The following SLC26A5 variants were observed in gnomAD, a reference collection of about 807,000 sequenced individuals.
SLC26A5 encodes solute carrier family 26 member 5.
SLC26A5 carries 51 observed loss-of-function variants against 81.0 expected under a neutral mutation model. The observed-to-expected ratio is 0.63, with a 90% confidence interval of 0.50 to 0.80. The LOEUF (loss-of-function observed/expected upper bound fraction) is 0.80. SLC26A5 is among the 30% of genes least tolerant of loss of function. SLC26A5 has a pLI of 0.00. For synonymous variants in SLC26A5, 325 were observed against 332.8 expected (o/e 0.98, Z 0.25); for missense variants, 771 against 905.8 (o/e 0.85, Z 1.91).
At position 103,380,239 on chromosome 7, in the gene SLC26A5, AATT is replaced by A. The variant is rs142092544; in HGVS notation, c.1584+238_1584+240del. On this transcript the variant is annotated intron_variant, in intron 15 of 19. Transcript: ENST00000306312. ...TCAATACTGTATAAATGTATACTTT[AATT>A]TCAACAATATATATTTATCCCCATT... Among the ~76,000 whole-genome samples the A allele has an allele frequency of 5.3e-3, 808 of 152,316 alleles. 47 individuals carry two copies. The East Asian group carries it at 0.13, about 25-fold the overall frequency.
intron 4 of SLC26A5, among the ~76,000 whole-genome samples, chr7:103,413,647 A>C (rs1317243515): frequency 6.6e-6 from 1 of 152,080 alleles, no homozygotes; most frequent in African/African-American, 2.4e-5. Context: ...TACCTATCAA[A>C]TGGGCCAAGT....
At chr7:103,388,462 A>C (rs1319611666) in intron 14 of SLC26A5, 2 of 178,024 alleles carry the variant, frequency 1.1e-5, no homozygotes, top group African/African-American at 4.8e-5. Context: ...TGGCCTCTGA[A>C]AGTGCTGGGA....
chr7:103,434,288 C>T (rs552714700), intron 2 of SLC26A5, among the ~76,000 whole-genome samples: 1 of 152,242 alleles, frequency 6.6e-6, no homozygotes, highest in East Asian at 1.9e-4. Context: ...AATTTAAAGC[C>T]ATTGCTCTAT....
At chr7:103,390,278 C>T in intron 12 of SLC26A5, 151 bp downstream of exon 12, 3 of 757,438 alleles carry the variant, frequency 4.0e-6, no homozygotes, top group Non-Finnish European at 7.0e-6. Flanking sequence ...GGTTATAGAG[C>T]AGGATCTTGG....
At chr7:103,363,537 T>A (rs1820530077) in intron 19 of SLC26A5, 1 of 1,088,948 alleles carries the variant, frequency 9.2e-7, no homozygotes, top group African/African-American at 1.6e-5. Context: ...CTTTTAATAT[T>A]TTCCCTAATG....
At chr7:103,426,358 G>A (rs1825710643) in intron 2 of SLC26A5, among the ~76,000 whole-genome samples, 1 of 152,174 alleles carries the variant, frequency 6.6e-6, no homozygotes, top group African/African-American at 2.4e-5. Flanking sequence ...CTGTAGGGTT[G>A]CCAGAGAAAA....
chr7:103,358,020 G>A lies in SLC26A5; in HGVS notation c.2042-5094C>T, dbSNP rs115864065. Among the ~76,000 whole-genome samples, 1,103 of 152,146 alleles carry A rather than the reference G, an allele frequency of 7.2e-3. 9 individuals carry two copies. The highest frequency in any genetic ancestry group is 0.025 in the African/African-American group (1,040 of 41,516). On this transcript the variant is annotated intron_variant, in intron 19 of 19. Transcript: ENST00000339444. ...ATTGTTGTCTGACTTCTCTACCCTGGAGATTGCCCTTTACCTCTCTCCTGT... is the reference window on the plus strand; with the variant it reads ...ATTGTTGTCTGACTTCTCTACCCTGAAGATTGCCCTTTACCTCTCTCCTGT...
rs765650585 is a variant in SLC26A5 at position 103,377,584 on chromosome 7, C to A, written c.1986+15G>T. 3 of 1,612,754 alleles carry A rather than the reference C, an allele frequency of 1.9e-6. No individual in the cohort carries two copies. Among genetic ancestry groups the A allele is most frequent in the East Asian group, 2.2e-5 (1 of 44,878 alleles). On this transcript the variant is annotated intron_variant, in intron 18 of 19. Transcript: ENST00000306312. ...GCATAGAGGTATTAAATGACTCGTT[C>A]AAGAGGATGCTTACCCCTGCCAGAG... is the stretch of plus-strand genomic sequence containing the variant.
At chr7:103,371,177 G>A (rs1310696839), downstream of SLC26A5, among the ~76,000 whole-genome samples, 1 of 152,192 alleles carries the variant, frequency 6.6e-6, no homozygotes, top group Non-Finnish European at 1.5e-5. Context: ...GTTCTCAGAT[G>A]CTAAGCAAAG....
intron 19 of SLC26A5, chr7:103,353,946 G>C (rs145606402): frequency 6.2e-7 from 1 of 1,601,498 alleles, no homozygotes; most frequent in South Asian, 1.1e-5. Flanking sequence ...ATATTGCCTT[G>C]TTGAAAACTT....
Position 103,377,786 on chromosome 7 carries a change from T to C in SLC26A5, c.1799A>G (p.Asp600Gly), listed in dbSNP as rs1278804821. 2 of 1,613,936 alleles carry C rather than the reference T, an allele frequency of 1.2e-6. No homozygotes were observed. ...TTCAGGCTTGGTAGCATCCTCTCCA[T>C]CTACTTCTGCATCCTGTGTCAAAAA... Reference protein sequence around the residue: ...ATVVKADAEVDGEDATKPEEE... With the variant: ...ATVVKADAEVGGEDATKPEEE... The change falls in exon 18 of 20, where the codon GAT becomes GGT. Residue 600 changes from aspartate (D) to glycine (G), a missense_variant. By Grantham distance (94) the Asp-to-Gly change is moderately conservative. Coordinates refer to ENST00000306312, the MANE Select transcript of SLC26A5 (RefSeq NM_198999.3).
intron 2 of SLC26A5, among the ~76,000 whole-genome samples, chr7:103,440,782 C>T (rs1478282199): frequency 6.6e-6 from 1 of 152,162 alleles, no homozygotes; most frequent in African/African-American, 2.4e-5. Flanking sequence ...TTTTTGACAT[C>T]AGGTAAAGCC....
Position 103,430,046 on chromosome 7 carries a change from C to T in SLC26A5, c.-53-8479G>A, listed in dbSNP as rs192269978. 3.9e-3 allele frequency among the ~76,000 whole-genome samples: 592 copies of T among 150,870 alleles called. 4 individuals are homozygous for T. The highest frequency in any genetic ancestry group is 7.4e-3 in the Admixed American group (112 of 15,168). On this transcript the variant is annotated intron_variant, in intron 2 of 19. Transcript: ENST00000306312. ...AATACCACATGCAGAGCCTAGGGTT[C>T]AGGACTGTGTTTGAAGGCTGGAAAT... is the stretch of plus-strand genomic sequence containing the variant.
At chr7:103,371,785 T>C (rs1266888440), downstream of SLC26A5, among the ~76,000 whole-genome samples, 1 of 148,796 alleles carries the variant, frequency 6.7e-6, no homozygotes, top group Non-Finnish European at 1.5e-5. Flanking sequence ...AACCTCCGCC[T>C]CCTGGGTTCA....
rs1563559605 is a variant in SLC26A5, at chr7:103,411,374, T to C, written c.570+46A>G. On this transcript the variant is annotated intron_variant, in intron 6 of 19. Coordinates refer to ENST00000306312, the MANE Select transcript of SLC26A5 (RefSeq NM_198999.3). ...CCAAGAGCACTCAGTAGATACTTGT[T>C]AGGTTAACAAACGAGACAGTCCATT... is the stretch of plus-strand genomic sequence containing the variant. 2.5e-6 allele frequency: 4 copies of C among 1,610,138 alleles called. No homozygotes were observed. The East Asian group carries it at 8.9e-5, about 36-fold the overall frequency.
Position 103,374,561 on chromosome 7 carries a change from T to A in SLC26A5, c.2073A>T (p.Arg691Ser). The A allele has an allele frequency of 1.2e-6, 2 of 1,613,896 alleles. No homozygotes were observed. Among genetic ancestry groups the A allele is most frequent in the Non-Finnish European group, 1.7e-6 (2 of 1,179,998 alleles). The change falls in exon 20 of 20, where the codon AGA (arginine) becomes AGT (serine). Residue 691 changes from arginine (R) to serine (S), a missense_variant. Coordinates refer to ENST00000306312, the MANE Select transcript of SLC26A5 (RefSeq NM_198999.3). ...AQVVNDLTRNRFFENPALWEL... is the reference protein window; with the variant it reads ...AQVVNDLTRNSFFENPALWEL... ...CCCATAGGGCAGGATTTTCAAAAAA[T>A]CTATTCCGAGTGAGGTCATTCACAA...
chr7:103,434,112 T>C (rs1417562060), intron 2 of SLC26A5, among the ~76,000 whole-genome samples: 1 of 152,206 alleles, frequency 6.6e-6, no homozygotes, highest in African/African-American at 2.4e-5. Flanking sequence ...CTCCTTGCTT[T>C]ATACCCTCAT....
rs575279384 is a variant in SLC26A5 at position 103,429,230 on chromosome 7, C to T, written c.-53-7663G>A. ...TGAAATTGTATTTTTCTCTGTGAACCGGAGGTATCAGAAAAGAGTGAGTAA... is the reference window on the plus strand; with the variant it reads ...TGAAATTGTATTTTTCTCTGTGAACTGGAGGTATCAGAAAAGAGTGAGTAA... On this transcript the variant is annotated intron_variant, in intron 2 of 19. Transcript: ENST00000306312. Among the ~76,000 whole-genome samples the T allele has an allele frequency of 7.9e-5, 12 of 152,124 alleles. No individual in the cohort carries two copies. The South Asian group carries it at 1.9e-3, about 24-fold the overall frequency.
At chr7:103,429,291 T>C (rs1039766968) in intron 2 of SLC26A5, among the ~76,000 whole-genome samples, 1 of 152,248 alleles carries the variant, frequency 6.6e-6, no homozygotes, top group Non-Finnish European at 1.5e-5. Flanking sequence ...AATTTACACA[T>C]TTATAACTTT....
Sources: allele counts gnomAD v4.1 joint callset (sites outside exome capture counted in the v4.1 genomes callset), GRCh38; gene constraint gnomAD v4.1.1; transcripts MANE v1.5; gene names NCBI Gene and HGNC (gene_info 2026-07-23, HGNC 2026-07-21).